Variants in TSHZ2 observed in about 807,000 individuals in gnomAD.
The protein encoded by TSHZ2 is teashirt zinc finger homeobox 2.
TSHZ2 carries 21 observed loss-of-function variants against 74.4 expected under a neutral mutation model. The observed-to-expected ratio is 0.28, with a 90% CI of 0.20 to 0.41. TSHZ2 has a LOEUF of 0.41. Ranked by LOEUF, TSHZ2 falls within the 10% of genes least tolerant of loss-of-function variation. The probability of loss-of-function intolerance (pLI) is 1.00; values close to 1 mark genes in which losing one functional copy is unlikely to be tolerated. For missense variants in TSHZ2, 1,244 were observed against 1,293.5 expected (o/e 0.96, Z 0.59); for synonymous variants, 540 against 515.3 (o/e 1.05, Z -0.65).
At chr20:53,057,425 C>A (rs1185561476) in intron 1 of TSHZ2, among the ~76,000 whole-genome samples, 1 of 152,310 alleles carries the variant, frequency 6.6e-6, no homozygotes, top group East Asian at 1.9e-4. Flanking sequence ...CGCCCTACAA[C>A]CTTCCTTTGG....
intron 1 of TSHZ2, among the ~76,000 whole-genome samples, chr20:53,005,500 AG>A (rs1188785574): frequency 3.3e-5 from 5 of 152,200 alleles, no homozygotes; most frequent in Non-Finnish European, 5.9e-5. Flanking sequence ...TGCTGTCCCC[AG>A]GCAGTAGACA....
At chr20:53,138,148 C>T (rs917089154) in intron 1 of TSHZ2, among the ~76,000 whole-genome samples, 4 of 152,028 alleles carry the variant, frequency 2.6e-5, no homozygotes, top group Non-Finnish European at 5.9e-5. Flanking sequence ...TTTGGGAGGC[C>T]AAGGCGGGCA....
At chr20:53,312,985 T>A (rs1978855069) in intron 2 of TSHZ2, among the ~76,000 whole-genome samples, 1 of 152,228 alleles carries the variant, frequency 6.6e-6, no homozygotes, top group Non-Finnish European at 1.5e-5. Context: ...AATACAGATT[T>A]GGAATATCAT....
chr20:53,015,346 C>A (rs763443706), intron 1 of TSHZ2, among the ~76,000 whole-genome samples: 7 of 152,094 alleles, frequency 4.6e-5, no homozygotes, highest in Non-Finnish European at 1.0e-4. Context: ...CATTTGCATC[C>A]CAGAGGACAT....
chr20:53,088,873 T>A (rs996692246), intron 1 of TSHZ2, among the ~76,000 whole-genome samples: 9 of 152,066 alleles, frequency 5.9e-5, no homozygotes, highest in African/African-American at 2.2e-4. Context: ...TGCAGCTCTG[T>A]TTGTGAAATG....
At chr20:53,369,871 C>T (rs1981405790) in intron 2 of TSHZ2, among the ~76,000 whole-genome samples, 1 of 152,170 alleles carries the variant, frequency 6.6e-6, no homozygotes, top group Non-Finnish European at 1.5e-5. Context: ...TATTTGTACT[C>T]TGAGCTTGTG....
intron 2 of TSHZ2, among the ~76,000 whole-genome samples, chr20:53,447,297 C>T (rs1299679828): frequency 3.3e-5 from 5 of 152,220 alleles, no homozygotes; most frequent in Non-Finnish European, 2.9e-5. Flanking sequence ...GAAGGAGAAA[C>T]TGATTAGTGG....
intron 1 of TSHZ2, among the ~76,000 whole-genome samples, chr20:53,043,561 T>C (rs546992246): frequency 1.2e-4 from 18 of 152,258 alleles, no homozygotes; most frequent in Middle Eastern, 3.4e-3. Flanking sequence ...AAAAAATCTC[T>C]GAAACATAGT....
chr20:53,369,680 C>A (rs544852401), intron 2 of TSHZ2, among the ~76,000 whole-genome samples: 2 of 152,172 alleles, frequency 1.3e-5, no homozygotes, highest in Admixed American at 1.3e-4. Flanking sequence ...TACTGCACCC[C>A]AGCCTGGGTG....
intron 1 of TSHZ2, among the ~76,000 whole-genome samples, chr20:52,987,654 A>G (rs1981824446): frequency 6.6e-6 from 1 of 152,170 alleles, no homozygotes; most frequent in Non-Finnish European, 1.5e-5. Flanking sequence ...AAAATATAAG[A>G]AGGCTCTCTA....
intron 1 of TSHZ2, among the ~76,000 whole-genome samples, chr20:53,211,672 C>T (rs542303497): frequency 6.6e-6 from 1 of 152,252 alleles, no homozygotes; most frequent in South Asian, 2.1e-4. Flanking sequence ...TACAATTATG[C>T]CGCTGCATTC....
intron 1 of TSHZ2, among the ~76,000 whole-genome samples, chr20:53,116,657 G>A (rs755547668): frequency 2.8e-4 from 42 of 152,042 alleles, no homozygotes; most frequent in Non-Finnish European, 4.3e-4. Flanking sequence ...TGGCATGAAC[G>A]TCACCTACCT....
At chr20:53,188,568 A>G (rs1988657755) in intron 1 of TSHZ2, among the ~76,000 whole-genome samples, 1 of 152,242 alleles carries the variant, frequency 6.6e-6, no homozygotes. Context: ...GGTCTGTAGA[A>G]TACACAAGGG....
intron 2 of TSHZ2, among the ~76,000 whole-genome samples, chr20:53,297,040 C>T (rs1991392551): frequency 6.6e-6 from 1 of 152,208 alleles, no homozygotes; most frequent in Non-Finnish European, 1.5e-5. Flanking sequence ...CCTCACAGTA[C>T]CCTGTCCCAT....
Position 53,183,858 on chromosome 20 carries a change from G to A in TSHZ2, c.41-69641G>A, listed in dbSNP as rs374601134. Among the ~76,000 whole-genome samples the A allele has an allele frequency of 1.1e-3, 161 of 152,312 alleles. 1 individual carries two copies. Among genetic ancestry groups the A allele is most frequent in the African/African-American group, 3.6e-3 (149 of 41,564 alleles). ...AACCATTCGAAGGAAACAAAGGTGT[G>A]AGAGCAAGGCTGCTCTGCAGATTGC... On this transcript the variant is annotated intron_variant, in intron 1 of 2. Transcript: ENST00000371497.
At chr20:53,480,022 G>C (rs970573171) in intron 2 of TSHZ2, among the ~76,000 whole-genome samples, 1 of 151,746 alleles carries the variant, frequency 6.6e-6, no homozygotes, top group Non-Finnish European at 1.5e-5. Context: ...AGGATCACTC[G>C]AGCCCAGGAG....
At chr20:53,250,835 GAA>G (rs561849899) in intron 1 of TSHZ2, among the ~76,000 whole-genome samples, 7 of 125,806 alleles carry the variant, frequency 5.6e-5, no homozygotes, top group African/African-American at 8.8e-5. Context: ...ATGTCAGTGG[GAA>G]AAAAAAAAAA....
At chr20:53,469,048 TATATATA>T (rs1568931537) in intron 2 of TSHZ2, among the ~76,000 whole-genome samples, 1,016 of 93,730 alleles carry the variant, frequency 0.011, 32 homozygotes, top group African/African-American at 0.042. Flanking sequence ...CGATATTTTA[TATATATA>T]TATATATATA....
intron 1 of TSHZ2, among the ~76,000 whole-genome samples, chr20:53,022,709 C>A (rs534869831): frequency 6.6e-6 from 1 of 152,136 alleles, no homozygotes; most frequent in Non-Finnish European, 1.5e-5. Flanking sequence ...CAATAATTTA[C>A]GTGTAATCGT....
Sources: gnomAD v4.1 joint callset for allele counts (sites outside exome capture counted in the v4.1 genomes callset) on GRCh38, gnomAD v4.1.1 for gene constraint, MANE v1.5 for transcripts, NCBI Gene and HGNC (gene_info 2026-07-23, HGNC 2026-07-21) for gene names.